The following PCDH19 variants were observed in gnomAD, a reference collection of about 807,000 sequenced individuals.
PCDH19 encodes protocadherin 19, also known as protocadherin-19.
PCDH19 carries 6 observed loss-of-function variants against 46.2 expected under a neutral mutation model. The ratio of observed to expected loss-of-function variants is 0.13; its 90% CI spans 0.07 to 0.26. The LOEUF is 0.26. Among genes scored for constraint, PCDH19 ranks in the 10% least tolerant of loss-of-function variants. PCDH19 has a pLI of 1.00. For synonymous variants in PCDH19, 481 were observed against 415.7 expected, an observed-to-expected ratio of 1.16 and a Z score of -1.91; for missense variants, 740 against 972.3, an observed-to-expected ratio of 0.76 and a Z score of 3.18.
intron 5 of PCDH19, among the ~76,000 whole-genome samples, chrX:100,299,545 G>A (rs1924713960): frequency 9.0e-6 from 1 of 111,156 alleles, no homozygotes; most frequent in African/African-American, 3.3e-5. Context: ...ATCTGGGGAG[G>A]GAGAATAGAG....
rs1928544786 is a variant in PCDH19, at chrX:100,409,845, T to G, written c.-1248A>C. On this transcript the variant is annotated 5_prime_UTR_variant, in exon 1 of 6. Transcript: ENST00000373034. Reference sequence around the variant, plus strand: ...CCGAAGTTTACTTGCAGGAGCGTCTTGATTTCATCTTCCCGGAGAGGCGCT... The same window carrying G: ...CCGAAGTTTACTTGCAGGAGCGTCTGGATTTCATCTTCCCGGAGAGGCGCT... 1 of 279,271 alleles carries G rather than the reference T, an allele frequency of 3.6e-6. No individual in the cohort carries two copies. Among genetic ancestry groups the G allele is most frequent in the African/African-American group, 2.8e-5 (1 of 35,224 alleles). The allele number at this position is 279,271 out of a possible 1,213,427, so 23.0% of individuals were successfully genotyped here.
In PCDH19 at chrX:100,407,266, A is replaced by C; in HGVS notation, c.1332T>G (p.Thr444=). 1 of 1,211,955 alleles carries C rather than the reference A, an allele frequency of 8.3e-7. No individual in the cohort carries two copies. Among genetic ancestry groups the C allele is most frequent in the Non-Finnish European group, 1.1e-6 (1 of 895,556 alleles). ...QSAKSFTVLI[T]DENDNHPHFS... ...AGTGCGGGTGGTTGTCATTTTCGTC[A>C]GTGATGAGCACGGTAAAGGACTTGG... The change falls in exon 1 of 6, where the codon ACT becomes ACG. Residue 444 remains threonine, a synonymous_variant. Transcript: ENST00000373034.
chrX:100,352,017 T>C (rs909120038), intron 3 of PCDH19, among the ~76,000 whole-genome samples: 5 of 112,370 alleles, frequency 4.4e-5, no homozygotes, highest in Non-Finnish European at 7.5e-5. Context: ...AACCCCAACA[T>C]TGCCCTGCAC....
chrX:100,333,407 C>T (rs1443305068), intron 5 of PCDH19, among the ~76,000 whole-genome samples: 2 of 111,455 alleles, frequency 1.8e-5, no homozygotes, highest in African/African-American at 6.5e-5. Context: ...ATCTAGCATA[C>T]TATGTTGGGG....
intron 3 of PCDH19, among the ~76,000 whole-genome samples, chrX:100,379,480 A>C (rs1333678757): frequency 1.8e-5 from 2 of 112,347 alleles, no homozygotes; most frequent in Admixed American, 9.4e-5. Flanking sequence ...GCCAGGATGT[A>C]TCCCTGCCTT....
chrX:100,377,821 T>C (rs1326022282), intron 3 of PCDH19, among the ~76,000 whole-genome samples: 1 of 111,971 alleles, frequency 8.9e-6, no homozygotes, highest in East Asian at 2.8e-4. Context: ...CAGTGAGGTG[T>C]AAGGGAATCT....
intron 4 of PCDH19, among the ~76,000 whole-genome samples, chrX:100,345,678 T>C (rs1264488514): frequency 9.0e-6 from 1 of 111,690 alleles, no homozygotes; most frequent in Admixed American, 9.5e-5. Flanking sequence ...CAGTGAAGGA[T>C]TAGCTACTAG....
At chrX:100,357,066 G>A (rs1475632624) in intron 3 of PCDH19, among the ~76,000 whole-genome samples, 3 of 110,654 alleles carry the variant, frequency 2.7e-5, no homozygotes, top group Non-Finnish European at 5.7e-5. Context: ...CAAACCCTGG[G>A]AATTAAAAAA....
At chrX:100,384,321 A>AAT (rs1374842496) in intron 3 of PCDH19, among the ~76,000 whole-genome samples, 1 of 111,278 alleles carries the variant, frequency 9.0e-6, no homozygotes, top group African/African-American at 3.3e-5. Flanking sequence ...GATTTACCTT[A>AAT]ATATATATAT....
In PCDH19 at chrX:100,292,943, A is replaced by G. The variant is rs1924472039; in HGVS notation, c.*3334T>C. The G allele has an allele frequency of 9.0e-6, 1 of 111,726 alleles. No individual in the cohort carries two copies. Among genetic ancestry groups the G allele is most frequent in the Non-Finnish European group, 1.9e-5 (1 of 53,177 alleles). 9.2% of individuals were successfully genotyped at this position (111,726 alleles called of 1,213,427 possible). A position where few individuals can be genotyped will look rare whatever the true frequency, so the allele number is the denominator to read the frequency against. On this transcript the variant is annotated 3_prime_UTR_variant, in exon 6 of 6. Coordinates refer to ENST00000373034, the MANE Select transcript of PCDH19 (RefSeq NM_001184880.2). Reference sequence around the variant, plus strand: ...CCAGCCAGAACTGCTATTATGTACAATAATAATCCTTTTCCACTCTGGATG... The same window carrying G: ...CCAGCCAGAACTGCTATTATGTACAGTAATAATCCTTTTCCACTCTGGATG...
chrX:100,336,882 G>A (rs773573001), intron 5 of PCDH19, among the ~76,000 whole-genome samples: 1 of 111,722 alleles, frequency 9.0e-6, no homozygotes, highest in African/African-American at 3.2e-5. Flanking sequence ...CACTTCTAGG[G>A]CATGATCCCT....
chrX:100,300,713 A>C (rs989805776), intron 5 of PCDH19, among the ~76,000 whole-genome samples: 1 of 111,546 alleles, frequency 9.0e-6, no homozygotes, highest in Non-Finnish European at 1.9e-5. Flanking sequence ...CAAAAGAAAC[A>C]AGAACAGAGT....
intron 5 of PCDH19, among the ~76,000 whole-genome samples, chrX:100,306,715 C>A (rs1924957426): frequency 9.2e-6 from 1 of 109,280 alleles, no homozygotes; most frequent in Non-Finnish European, 1.9e-5. Flanking sequence ...CAATCAGAAA[C>A]AAAACGGGAT....
intron 5 of PCDH19, among the ~76,000 whole-genome samples, chrX:100,328,512 C>T (rs1231475506): frequency 9.0e-6 from 1 of 111,319 alleles, no homozygotes; most frequent in Non-Finnish European, 1.9e-5. Flanking sequence ...CTCATCATCC[C>T]CCAGAAAGGA....
At chrX:100,347,323 C>T (rs759564577) in intron 4 of PCDH19, among the ~76,000 whole-genome samples, 117 of 111,262 alleles carry the variant, frequency 1.1e-3, no homozygotes, top group African/African-American at 3.7e-3. Flanking sequence ...AGGGTCACTT[C>T]ATGATGACTG....
At chrX:100,312,216 G>A (rs1925155295) in intron 5 of PCDH19, among the ~76,000 whole-genome samples, 1 of 111,109 alleles carries the variant, frequency 9.0e-6, no homozygotes, top group South Asian at 3.8e-4. Context: ...CTAGAAGCCA[G>A]CACTGTATAT....
intron 3 of PCDH19, among the ~76,000 whole-genome samples, chrX:100,351,860 A>G (rs1184104459): frequency 8.9e-6 from 1 of 112,573 alleles, no homozygotes; most frequent in African/African-American, 3.2e-5. Context: ...TGGAGAAGAA[A>G]ACAGAACAGG....
At chrX:100,386,967 G>A (rs1003697218) in intron 3 of PCDH19, among the ~76,000 whole-genome samples, 6 of 112,063 alleles carry the variant, frequency 5.4e-5, no homozygotes, top group African/African-American at 1.6e-4. Flanking sequence ...ACACTTTCCT[G>A]TAGCAAAGAT....
intron 3 of PCDH19, among the ~76,000 whole-genome samples, chrX:100,371,263 C>G (rs181477462): frequency 9.0e-6 from 1 of 111,669 alleles, no homozygotes; most frequent in African/African-American, 3.3e-5. Context: ...TAGCTTAATA[C>G]AATTAGTAGC....
Sources: allele counts gnomAD v4.1 joint callset (sites outside exome capture counted in the v4.1 genomes callset), GRCh38; gene constraint gnomAD v4.1.1; transcripts MANE v1.5; gene names NCBI Gene and HGNC (gene_info 2026-07-23, HGNC 2026-07-21).